Variants in NBPF15 observed in about 807,000 individuals in gnomAD.
NBPF15 encodes the protein NBPF family member NBPF15.
A neutral mutation model predicts 62.2 loss-of-function variants in NBPF15; 74 were observed. That is an observed-to-expected ratio of 1.19 (90% CI 0.99 to 1.44). The LOEUF (loss-of-function observed/expected upper bound fraction) is 1.44, where lower values mean the gene tolerates loss of function less well. NBPF15 is among the 40% of genes most tolerant of loss of function. The pLI, the probability that NBPF15 is intolerant of heterozygous loss-of-function variation, is 0.00. For synonymous variants in NBPF15, 244 were observed against 209.7 expected, an observed-to-expected ratio of 1.16 and a Z score of -1.41; for missense variants, 790 against 550.0, an observed-to-expected ratio of 1.44 and a Z score of -4.36.
chr1:144,427,661 C>T (rs1670739889), intron 16 of NBPF15, among the ~76,000 whole-genome samples, 157 bp downstream of exon 16: 2 of 146,076 alleles, frequency 1.4e-5, no homozygotes, highest in South Asian at 4.3e-4. Context: ...GTCTGGGCTT[C>T]CAAGTGGAAC....
intron 6 of NBPF15, among the ~76,000 whole-genome samples, chr1:144,444,572 C>G (rs1685894116): frequency 6.6e-6 from 1 of 151,652 alleles, no homozygotes; most frequent in African/African-American, 2.4e-5. Flanking sequence ...AACTGAGGTT[C>G]CAGAGGAAGG....
At chr1:144,441,401 C>T (rs1285825435) in intron 6 of NBPF15, among the ~76,000 whole-genome samples, 3 of 151,552 alleles carry the variant, frequency 2.0e-5, no homozygotes, top group African/African-American at 7.3e-5. Context: ...TTTCTCATGC[C>T]TAATGTTCAT....
intron 3 of NBPF15, among the ~76,000 whole-genome samples, chr1:144,457,613 G>T (rs1213130132): frequency 1.3e-5 from 2 of 151,744 alleles, no homozygotes; most frequent in Non-Finnish European, 2.9e-5. Context: ...GCCAGGCAAG[G>T]TCAAGTACTG....
chr1:144,440,666 T>C (rs1371977102), intron 6 of NBPF15: 1 of 149,780 alleles, frequency 6.7e-6, no homozygotes, highest in Non-Finnish European at 1.4e-5. Context: ...TTTTTTTTTT[T>C]GTTTGAGACA....
chr1:144,445,354 T>TATATATATATAC (rs1322315552), intron 6 of NBPF15, among the ~76,000 whole-genome samples: 1 of 104,478 alleles, frequency 9.6e-6, no homozygotes, highest in Non-Finnish European at 1.8e-5. Context: ...TATATATATA[T>TATATATATATAC]ACACACACAC....
Position 144,423,174 on chromosome 1 carries a change from A to G in NBPF15, c.1852T>C (p.Tyr618His), listed in dbSNP as rs1666916549. 14 of 1,611,622 alleles carry G rather than the reference A, an allele frequency of 8.7e-6. No individual in the cohort carries two copies. Among genetic ancestry groups the G allele is most frequent in the Non-Finnish European group, 1.2e-5 (14 of 1,179,600 alleles). The stretch of plus-strand genomic sequence containing the variant: ...TGGAATGAGTCAGGTTGTTCAAAGT[A>G]CATTGACGGAGTCGAATAACATCTA... Reference protein sequence around the residue: ...LDRCYSTPSMYFEQPDSFQHY... With the variant: ...LDRCYSTPSMHFEQPDSFQHY... Residue 618 changes from tyrosine to histidine, a missense_variant, in exon 22 of 22, where the codon TAC becomes CAC. By Grantham distance (83) the Tyr-to-His change is moderately conservative (BLOSUM62 2). Transcript: ENST00000581897.
intron 16 of NBPF15, among the ~76,000 whole-genome samples, chr1:144,427,364 A>G (rs1189456373): frequency 1.6e-5 from 2 of 127,638 alleles, no homozygotes; most frequent in African/African-American, 6.5e-5. Context: ...GTTATGCCAT[A>G]TTTTTCCAAT....
At chr1:144,439,141 G>A (rs1430227551) in intron 8 of NBPF15, among the ~76,000 whole-genome samples, 44 of 151,710 alleles carry the variant, frequency 2.9e-4, no homozygotes, top group African/African-American at 1.0e-3. Flanking sequence ...CTGCCACCAC[G>A]CCCATCTACT....
chr1:144,427,363 T>C (rs1670490997), intron 16 of NBPF15, among the ~76,000 whole-genome samples: 1 of 129,220 alleles, frequency 7.7e-6, no homozygotes, highest in Non-Finnish European at 1.6e-5. Context: ...GGTTATGCCA[T>C]ATTTTTCCAA....
Position 144,421,854 on chromosome 1 carries a change from A to G in NBPF15, c.*1159T>C, listed in dbSNP as rs1189477050. The stretch of plus-strand genomic sequence containing the variant: ...TCCTGATATCATAATGGTGATGGAC[A>G]AACTAGACCTTCTCTGCCCGCAGAT... On this transcript the variant is annotated 3_prime_UTR_variant, in exon 22 of 22. Transcript: ENST00000581897. 2.9e-4 allele frequency: 40 copies of G among 135,752 alleles called. No homozygotes were observed. The highest frequency in any genetic ancestry group is 1.2e-3 in the African/African-American group (36 of 31,290). 8.4% of individuals were successfully genotyped at this position (135,752 alleles called of 1,614,324 possible).
At chr1:144,426,581 A>G in intron 17 of NBPF15, 131 bp from the exon 18 acceptor site, 1 of 712,372 alleles carries the variant, frequency 1.4e-6, no homozygotes, top group South Asian at 1.5e-5. Flanking sequence ...GAGGTAATGA[A>G]TTATTGCCTT....
intron 4 of NBPF15, among the ~76,000 whole-genome samples, chr1:144,453,380 A>C (rs1553545956): frequency 6.6e-6 from 1 of 151,952 alleles, no homozygotes; most frequent in Non-Finnish European, 1.5e-5. Flanking sequence ...GAATCCTAGG[A>C]GATAACATAG....
intron 8 of NBPF15, among the ~76,000 whole-genome samples, chr1:144,439,425 G>A (rs1466742118): frequency 2.0e-5 from 3 of 151,896 alleles, no homozygotes; most frequent in Non-Finnish European, 4.4e-5. Flanking sequence ...TTGCCTGTTG[G>A]GCCTCCACAG....
chr1:144,431,774 A>C (rs1235823785), intron 13 of NBPF15, among the ~76,000 whole-genome samples: 1 of 136,780 alleles, frequency 7.3e-6, no homozygotes, highest in Admixed American at 7.5e-5. Context: ...TAGTTTGCTG[A>C]GAATGATGGT....
intron 4 of NBPF15, among the ~76,000 whole-genome samples, chr1:144,451,962 G>T (rs1406474038): frequency 6.6e-6 from 1 of 151,708 alleles, no homozygotes; most frequent in East Asian, 1.9e-4. Context: ...GACCAACCTG[G>T]CCAACATGAA....
intron 6 of NBPF15, among the ~76,000 whole-genome samples, chr1:144,445,853 C>CA (rs1687126177): frequency 9.5e-6 from 1 of 105,410 alleles, no homozygotes; most frequent in Non-Finnish European, 2.0e-5. Context: ...GTTGACTTTC[C>CA]TTTTTTTTTT....
chr1:144,422,692 G>A lies in NBPF15; in HGVS notation c.*321C>T. The stretch of plus-strand genomic sequence containing the variant: ...ACAATGACCTTGAGCAGGTATAGAA[G>A]CTCAGAGACATGCCTGCAAAATGAA... On this transcript the variant is annotated 3_prime_UTR_variant, in exon 22 of 22. Coordinates refer to ENST00000581897, the MANE Select transcript of NBPF15 (RefSeq NM_001385408.1). 1 of 507,786 alleles carries A rather than the reference G, an allele frequency of 2.0e-6. No individual in the cohort carries two copies. The highest frequency in any genetic ancestry group is 2.1e-5 in the South Asian group (1 of 46,988). The allele number at this position is 507,786 out of a possible 1,614,324, so 31.5% of individuals were successfully genotyped here. A position where few individuals can be genotyped will look rare whatever the true frequency, so the allele number is the denominator to read the frequency against.
In NBPF15 at chr1:144,427,068, T is replaced by A; in HGVS notation, c.1244A>T (p.Asp415Val). The stretch of plus-strand genomic sequence containing the variant: ...TTACCTGGGGCATGATGGGTCTTGG[T>A]CTTCTTCCACTTCTTGGTACTTTTC... ...EIEKYQEVEEDQDPSCPRLSR... is the reference protein window; with the variant it reads ...EIEKYQEVEEVQDPSCPRLSR... The change falls in exon 17 of 22, where the codon GAC (aspartate) becomes GTC (valine). Residue 415 changes from aspartate (D) to valine (V), a missense_variant. By Grantham distance (152) the Asp-to-Val change is radical (BLOSUM62 -3). Coordinates refer to ENST00000581897, the MANE Select transcript of NBPF15 (RefSeq NM_001385408.1). 1 of 696,054 alleles carries A rather than the reference T, an allele frequency of 1.4e-6. No homozygotes were observed. The highest frequency in any genetic ancestry group is 2.5e-6 in the Non-Finnish European group (1 of 393,516). 43.1% of individuals were successfully genotyped at this position (696,054 alleles called of 1,614,324 possible).
intron 6 of NBPF15, among the ~76,000 whole-genome samples, chr1:144,445,654 C>G (rs1391090595): frequency 6.6e-6 from 1 of 150,860 alleles, no homozygotes; most frequent in African/African-American, 2.4e-5. Flanking sequence ...AAATTTCTAC[C>G]AAAATGCCGC....
Sources: gnomAD v4.1 joint callset for allele counts (sites outside exome capture counted in the v4.1 genomes callset) on GRCh38, gnomAD v4.1.1 for gene constraint, MANE v1.5 for transcripts, NCBI Gene and HGNC (gene_info 2026-07-23, HGNC 2026-07-21) for gene names.